Variants in FAM107B observed in about 807,000 individuals in gnomAD.
FAM107B encodes protein FAM107B.
Under a neutral mutation model 31.5 loss-of-function variants are expected in FAM107B, and 21 were observed. The ratio of observed to expected loss-of-function variants is 0.67; its 90% CI spans 0.47 to 0.96. The LOEUF (loss-of-function observed/expected upper bound fraction) is 0.96, where lower values mean the gene tolerates loss of function less well. FAM107B is among the 40% of genes least tolerant of loss of function. The pLI, the probability that FAM107B is intolerant of heterozygous loss-of-function variation, is 0.00. For synonymous variants in FAM107B, 157 were observed against 141.5 expected (o/e 1.11, Z -0.78); for missense variants, 452 against 377.1 (o/e 1.20, Z -1.64).
chr10:14,654,055 C>T (rs1459867902), intron 2 of FAM107B: 1 of 151,210 alleles, frequency 6.6e-6, no homozygotes, highest in Admixed American at 6.6e-5. Context: ...CAAATGCCTG[C>T]AGGGGCCAGG....
chr10:14,664,705 T>C (rs113397002), intron 2 of FAM107B, among the ~76,000 whole-genome samples: 8 of 152,382 alleles, frequency 5.2e-5, no homozygotes, highest in African/African-American at 1.9e-4. Context: ...TTTCTCAGAA[T>C]GTATCCTCCT....
At chr10:14,721,028 C>T (rs1451391632) in intron 1 of FAM107B, among the ~76,000 whole-genome samples, 2 of 151,746 alleles carry the variant, frequency 1.3e-5, no homozygotes, top group African/African-American at 2.4e-5. Context: ...CAGTGTGTGA[C>T]GTTCCCCGCC....
Position 14,763,492 on chromosome 10 carries a change from G to A in FAM107B, c.411+10761C>T, listed in dbSNP as rs1833099190. Reference sequence around the variant, plus strand: ...TAGAGGCTACCAATATTTGCTTCATGGTTTTGAAGGGTGAAAATACCTCAG... The same window carrying A: ...TAGAGGCTACCAATATTTGCTTCATAGTTTTGAAGGGTGAAAATACCTCAG... On this transcript the variant is annotated intron_variant, in intron 1 of 4. Coordinates refer to ENST00000181796, the MANE Select transcript of FAM107B (RefSeq NM_031453.4). Among the ~76,000 whole-genome samples the A allele has an allele frequency of 2.0e-5, 3 of 152,202 alleles. No individual in the cohort carries two copies. In the South Asian group the frequency reaches 6.2e-4, roughly 32 times the overall value.
intron 1 of FAM107B, among the ~76,000 whole-genome samples, chr10:14,752,178 G>A (rs774995968): frequency 6.6e-6 from 1 of 152,194 alleles, no homozygotes; most frequent in Non-Finnish European, 1.5e-5. Context: ...CAGAGAGACA[G>A]GCAATCCATC....
chr10:14,570,354 T>C (rs554867757), intron 2 of FAM107B, among the ~76,000 whole-genome samples: 16 of 152,132 alleles, frequency 1.1e-4, no homozygotes, highest in African/African-American at 3.9e-4. Context: ...ACACAGTGTA[T>C]GTAGCAAGAC....
chr10:14,694,892 G>A, intron 1 of FAM107B, among the ~76,000 whole-genome samples: 1 of 152,174 alleles, frequency 6.6e-6, no homozygotes, highest in East Asian at 1.9e-4. Context: ...TTTATAAATT[G>A]TAGATATTAG....
intron 2 of FAM107B, among the ~76,000 whole-genome samples, chr10:14,569,102 A>G (rs1052288344): frequency 2.0e-5 from 3 of 152,180 alleles, no homozygotes; most frequent in African/African-American, 7.2e-5. Flanking sequence ...TTGGAACTCA[A>G]TTCTCAAAGG....
chr10:14,589,687 A>G (rs1315778693), intron 2 of FAM107B, among the ~76,000 whole-genome samples: 1 of 152,158 alleles, frequency 6.6e-6, no homozygotes, highest in African/African-American at 2.4e-5. Flanking sequence ...ATTAGGACAA[A>G]TACCAAATGT....
intron 3 of FAM107B, among the ~76,000 whole-genome samples, chr10:14,522,661 G>T (rs924874092): frequency 6.6e-6 from 1 of 151,912 alleles, no homozygotes; most frequent in African/African-American, 2.4e-5. Context: ...GGATCCACTC[G>T]CCTCGGCCTC....
intron 2 of FAM107B, among the ~76,000 whole-genome samples, chr10:14,603,090 G>A (rs906467693): frequency 6.6e-6 from 1 of 151,880 alleles, no homozygotes; most frequent in African/African-American, 2.4e-5. Flanking sequence ...CTTAGGGTGT[G>A]TTTGGGTGGT....
At chr10:14,668,372 G>A (rs2131474122) in intron 1 of FAM107B, among the ~76,000 whole-genome samples, 1 of 152,224 alleles carries the variant, frequency 6.6e-6, no homozygotes, top group South Asian at 2.1e-4. Context: ...AATGCCACCA[G>A]CATGGTTGAA....
rs117978839 is a variant in FAM107B, at chr10:14,679,127, A to G, written c.412-11436T>C. Among the ~76,000 whole-genome samples the G allele has an allele frequency of 2.1e-3, 318 of 149,254 alleles. 8 individuals are homozygous for G. The East Asian group carries it at 0.042, about 19-fold the overall frequency. ...GTTTCATCATAAAAAAGTCAAGGTA[A>G]TTTGTTTTCCTTTTTTTTTGGAGAG... On this transcript the variant is annotated intron_variant, in intron 1 of 4. Coordinates refer to ENST00000181796, the MANE Select transcript of FAM107B (RefSeq NM_031453.4).
intron 1 of FAM107B, among the ~76,000 whole-genome samples, chr10:14,768,846 T>C (rs73588545): frequency 0.019 from 2,867 of 152,320 alleles, 94 homozygotes; most frequent in African/African-American, 0.064. Context: ...TACAACTAAA[T>C]GAGCATTCTG....
intron 1 of FAM107B, among the ~76,000 whole-genome samples, chr10:14,725,440 G>A (rs968791938): frequency 6.6e-6 from 1 of 152,148 alleles, no homozygotes; most frequent in Admixed American, 6.5e-5. Context: ...TATCAAATAC[G>A]CCAGAGGCTG....
chr10:14,721,600 T>C (rs893004760), intron 1 of FAM107B, among the ~76,000 whole-genome samples: 1 of 152,248 alleles, frequency 6.6e-6, no homozygotes, highest in Non-Finnish European at 1.5e-5. Flanking sequence ...TGGCCAGTGA[T>C]GATGAGCATT....
At chr10:14,685,843 T>C (rs1055529084) in intron 1 of FAM107B, among the ~76,000 whole-genome samples, 1 of 152,186 alleles carries the variant, frequency 6.6e-6, no homozygotes, top group South Asian at 2.1e-4. Context: ...AGAGGTTTAA[T>C]GGACTCACAG....
At chr10:14,708,441 T>C (rs1359020294) in intron 1 of FAM107B, among the ~76,000 whole-genome samples, 5 of 152,298 alleles carry the variant, frequency 3.3e-5, no homozygotes, top group South Asian at 2.1e-4. Context: ...TGACTATGTG[T>C]GCTTTCAGAC....
At chr10:14,702,007 C>T (rs11259287) in intron 1 of FAM107B, among the ~76,000 whole-genome samples, 31,563 of 152,140 alleles carry the variant, frequency 0.21, 3,902 homozygotes, top group Admixed American at 0.29. Flanking sequence ...AGCTGCCCAC[C>T]CAAAAAACAT....
chr10:14,671,843 A>C (rs1854554337), intron 1 of FAM107B, among the ~76,000 whole-genome samples: 1 of 150,188 alleles, frequency 6.7e-6, no homozygotes, highest in African/African-American at 2.5e-5. Flanking sequence ...ACTTTTCCGC[A>C]TAAGGCAGCT....
Sources: allele counts gnomAD v4.1 joint callset (sites outside exome capture counted in the v4.1 genomes callset), GRCh38; gene constraint gnomAD v4.1.1; transcripts MANE v1.5; gene names NCBI Gene and HGNC (gene_info 2026-07-23, HGNC 2026-07-21).